The following METAP2 variants were observed in gnomAD, a reference collection of about 807,000 sequenced individuals.
METAP2 encodes the protein methionine aminopeptidase 2.
A neutral mutation model predicts 59.4 loss-of-function variants in METAP2; 25 were observed. That is an observed-to-expected ratio of 0.42 (90% CI 0.31 to 0.59). The LOEUF (loss-of-function observed/expected upper bound fraction) is 0.59. Among genes scored for constraint, METAP2 ranks in the 20% least tolerant of loss-of-function variants. METAP2 has a pLI of 0.16. For synonymous variants in METAP2, 214 were observed against 194.1 expected (o/e 1.10, Z -0.85); for missense variants, 366 against 581.2 (o/e 0.63, Z 3.81).
intron 8 of METAP2, among the ~76,000 whole-genome samples, chr12:95,506,076 G>A (rs1337157220): frequency 3.3e-5 from 5 of 151,454 alleles, no homozygotes; most frequent in African/African-American, 1.2e-4. Context: ...CAGCCTGGGC[G>A]ACAGAGTGAG....
intron 4 of METAP2, among the ~76,000 whole-genome samples, chr12:95,487,907 G>A (rs1442733507): frequency 6.6e-6 from 1 of 152,092 alleles, no homozygotes. Context: ...TTCTTTAGCT[G>A]ATGGCCATTT....
intron 4 of METAP2, among the ~76,000 whole-genome samples, chr12:95,493,487 T>G (rs1347389240): frequency 2.0e-5 from 3 of 152,066 alleles, no homozygotes; most frequent in Non-Finnish European, 4.4e-5. Context: ...AAAAAGAAAT[T>G]CGTTAGCACT....
rs1594426825 is a variant in METAP2 at position 95,497,008 on chromosome 12, A to G, written c.867+910A>G. ...CCCGGCTGATTTTTATGTTTCTAGT[A>G]GAGATGGGGTTTCACCATGCTGGCC... On this transcript the variant is annotated intron_variant, in intron 7 of 10. Coordinates refer to ENST00000323666, the MANE Select transcript of METAP2 (RefSeq NM_006838.4). 2.6e-5 allele frequency among the ~76,000 whole-genome samples: 4 copies of G among 151,772 alleles called. No individual in the cohort carries two copies. In the South Asian group the frequency reaches 8.3e-4, roughly 32 times the overall value.
intron 9 of METAP2, 102 bp downstream of exon 9, chr12:95,512,100 T>G: frequency 1.3e-6 from 1 of 751,134 alleles, no homozygotes; most frequent in Non-Finnish European, 2.1e-6. Flanking sequence ...CAGAATTAGC[T>G]GCTTATCATC....
intron 7 of METAP2, among the ~76,000 whole-genome samples, chr12:95,501,392 C>T (rs1242404602): frequency 6.6e-6 from 1 of 152,060 alleles, no homozygotes; most frequent in Non-Finnish European, 1.5e-5. Context: ...GAATTATAAA[C>T]CAAAGTTAAT....
At chr12:95,496,735 C>T (rs886841919) in intron 7 of METAP2, among the ~76,000 whole-genome samples, 3 of 151,832 alleles carry the variant, frequency 2.0e-5, no homozygotes, top group Admixed American at 6.6e-5. Context: ...CAGCTTTTCC[C>T]CACCCACTCA....
intron 7 of METAP2, among the ~76,000 whole-genome samples, chr12:95,499,106 A>G (rs1377061363): frequency 6.6e-6 from 1 of 150,924 alleles, no homozygotes; most frequent in Non-Finnish European, 1.5e-5. Flanking sequence ...GTCTGTCTTT[A>G]TGTCAATACC....
intron 8 of METAP2, among the ~76,000 whole-genome samples, chr12:95,507,055 A>G (rs936738081): frequency 1.3e-5 from 2 of 152,036 alleles, no homozygotes; most frequent in African/African-American, 2.4e-5. Flanking sequence ...GGCGTGAGCC[A>G]CTGTACCCGG....
At position 95,476,227 on chromosome 12, in the gene METAP2, C is replaced by T. The variant is rs2076117386; in HGVS notation, c.259+49C>T. The T allele has an allele frequency of 3.8e-6, 5 of 1,307,878 alleles. No individual in the cohort carries two copies. In the East Asian group the frequency reaches 1.2e-4, roughly 31 times the overall value. The allele number at this position is 1,307,878 out of a possible 1,614,324, so 81.0% of individuals were successfully genotyped here. A position where few individuals can be genotyped will look rare whatever the true frequency, so the allele number is the denominator to read the frequency against. The stretch of plus-strand genomic sequence containing the variant: ...TGGTTAGAAAAGCTAGAAAATGTAG[C>T]CGGGTGTGGTGGCACACACCTGTAA... On this transcript the variant is annotated intron_variant, in intron 2 of 10. Transcript: ENST00000323666.
chr12:95,490,103 CTTTT>C (rs573271455), intron 4 of METAP2, among the ~76,000 whole-genome samples: 4 of 142,172 alleles, frequency 2.8e-5, no homozygotes. Flanking sequence ...AGTTTTTTTT[CTTTT>C]TTTTTTTGTT....
chr12:95,495,311 G>C (rs1370365119), intron 6 of METAP2, among the ~76,000 whole-genome samples, 173 bp downstream of exon 6: 1 of 152,100 alleles, frequency 6.6e-6, no homozygotes, highest in Non-Finnish European at 1.5e-5. Flanking sequence ...ACTTATAGGA[G>C]AGAGAGGCAG....
In METAP2 at chr12:95,483,300, G is replaced by A. The variant is rs767706076; in HGVS notation, c.325+20G>A. The A allele has an allele frequency of 6.4e-7, 1 of 1,569,364 alleles. No individual in the cohort carries two copies. Among genetic ancestry groups the A allele is most frequent in the South Asian group, 1.1e-5 (1 of 89,958 alleles). Reference sequence around the variant, plus strand: ...GAGGACGTTAGTGTCTTAAGTTAATGTTAATTGATATATTAGAAGTGTTTA... The same window carrying A: ...GAGGACGTTAGTGTCTTAAGTTAATATTAATTGATATATTAGAAGTGTTTA... On this transcript the variant is annotated intron_variant, in intron 3 of 10. Coordinates refer to ENST00000323666, the MANE Select transcript of METAP2 (RefSeq NM_006838.4).
At chr12:95,504,882 T>C (rs1250930497) in intron 8 of METAP2, among the ~76,000 whole-genome samples, 1 of 152,210 alleles carries the variant, frequency 6.6e-6, no homozygotes, top group East Asian at 1.9e-4. Context: ...TCCTTTGCCT[T>C]CTAGTCTTTA....
chr12:95,491,013 A>G (rs2076233897), intron 4 of METAP2, among the ~76,000 whole-genome samples: 2 of 151,704 alleles, frequency 1.3e-5, no homozygotes, highest in Non-Finnish European at 2.9e-5. Flanking sequence ...GCTACATTAG[A>G]TGTAATCTCA....
At chr12:95,486,686 G>A (rs2076199598) in intron 4 of METAP2, among the ~76,000 whole-genome samples, 1 of 151,886 alleles carries the variant, frequency 6.6e-6, no homozygotes, top group East Asian at 1.9e-4. Flanking sequence ...TAATAGAGAC[G>A]GGGTTCCTCC....
rs1019959934 is a variant in METAP2 at position 95,498,888 on chromosome 12, C to T, written c.867+2790C>T. 2.0e-5 allele frequency among the ~76,000 whole-genome samples: 3 copies of T among 151,744 alleles called. No homozygotes were observed. In the South Asian group the frequency reaches 6.2e-4, roughly 32 times the overall value. ...AAATTAGCCAGGTGTGATGGTGCAC[C>T]CTTGTGGTCCCAGCTACTCAGGAGG... On this transcript the variant is annotated intron_variant, in intron 7 of 10. Transcript: ENST00000323666.
intron 2 of METAP2, among the ~76,000 whole-genome samples, chr12:95,481,025 T>C (rs1024623335): frequency 3.3e-5 from 5 of 152,234 alleles, no homozygotes; most frequent in African/African-American, 1.2e-4. Flanking sequence ...TGTTTCTAGA[T>C]AGTGCAAGGC....
At chr12:95,476,312 G>T (rs1362706482) in intron 2 of METAP2, 134 bp downstream of exon 2, 2 of 487,870 alleles carry the variant, frequency 4.1e-6, no homozygotes, top group Non-Finnish European at 7.2e-6. Flanking sequence ...TTCGAGACCA[G>T]CCTGGCCAAC....
At chr12:95,509,383 G>A (rs1370084823) in intron 8 of METAP2, among the ~76,000 whole-genome samples, 1 of 152,170 alleles carries the variant, frequency 6.6e-6, no homozygotes, top group East Asian at 1.9e-4. Context: ...ATTCAGGGAG[G>A]TAAGGAAGAC....
Sources: allele counts gnomAD v4.1 joint callset (sites outside exome capture counted in the v4.1 genomes callset), GRCh38; gene constraint gnomAD v4.1.1; transcripts MANE v1.5; gene names NCBI Gene and HGNC (gene_info 2026-07-23, HGNC 2026-07-21).